The following GALNTL6 variants were observed in gnomAD, a reference collection of about 807,000 sequenced individuals.
The protein encoded by GALNTL6 is polypeptide N-acetylgalactosaminyltransferase like 6.
A neutral mutation model predicts 73.7 loss-of-function variants in GALNTL6; 46 were observed. The ratio of observed to expected loss-of-function variants is 0.62; its 90% CI spans 0.49 to 0.80. The LOEUF (loss-of-function observed/expected upper bound fraction) is 0.80. Ranked by LOEUF, GALNTL6 falls within the 30% of genes least tolerant of loss-of-function variation. GALNTL6 has a pLI of 0.00. For missense variants in GALNTL6, 604 were observed against 755.0 expected (o/e 0.80, Z 2.34); for synonymous variants, 259 against 263.7 (o/e 0.98, Z 0.17).
chr4:171,929,265 T>C (rs1738094267), intron 2 of GALNTL6, among the ~76,000 whole-genome samples: 1 of 152,108 alleles, frequency 6.6e-6, no homozygotes, highest in African/African-American at 2.4e-5. Flanking sequence ...AGAGATGGGA[T>C]CTCTCTGTAT....
At chr4:172,880,981 G>A (rs1745423846) in intron 7 of GALNTL6, among the ~76,000 whole-genome samples, 1 of 152,116 alleles carries the variant, frequency 6.6e-6, no homozygotes, top group Non-Finnish European at 1.5e-5. Flanking sequence ...TATCTATGGT[G>A]GTTCTAGTTT....
chr4:172,397,882 C>A (rs1217146003), intron 5 of GALNTL6, among the ~76,000 whole-genome samples: 3 of 152,016 alleles, frequency 2.0e-5, no homozygotes, highest in African/African-American at 7.2e-5. Flanking sequence ...TGGCCACTAT[C>A]TTTTATTTTT....
At chr4:172,018,204 C>T (rs113635832) in intron 2 of GALNTL6, among the ~76,000 whole-genome samples, 2 of 152,200 alleles carry the variant, frequency 1.3e-5, no homozygotes, top group African/African-American at 4.8e-5. Flanking sequence ...TAATGGGATA[C>T]AAGCTTGCCT....
chr4:172,370,330 C>A (rs983409279), intron 5 of GALNTL6, among the ~76,000 whole-genome samples: 1 of 152,052 alleles, frequency 6.6e-6, no homozygotes, highest in Non-Finnish European at 1.5e-5. Context: ...CGAGTAACAG[C>A]AAGATGGCTG....
At chr4:172,056,108 T>C (rs1025202019) in intron 2 of GALNTL6, among the ~76,000 whole-genome samples, 1 of 152,164 alleles carries the variant, frequency 6.6e-6, no homozygotes, top group Non-Finnish European at 1.5e-5. Context: ...AAAAATCTGC[T>C]ATTAAGAATA....
At chr4:172,125,147 T>C (rs1288364534) in intron 2 of GALNTL6, among the ~76,000 whole-genome samples, 4 of 152,150 alleles carry the variant, frequency 2.6e-5, no homozygotes, top group African/African-American at 9.7e-5. Context: ...ATGTATGACC[T>C]GCAAATCACA....
intron 4 of GALNTL6, among the ~76,000 whole-genome samples, chr4:172,332,189 T>A (rs1470292700): frequency 6.6e-6 from 1 of 152,112 alleles, no homozygotes; most frequent in East Asian, 1.9e-4. Context: ...TTTAAGTAAT[T>A]ATCTCATATT....
chr4:172,582,554 C>A (rs954024420), intron 5 of GALNTL6, among the ~76,000 whole-genome samples: 3 of 152,036 alleles, frequency 2.0e-5, no homozygotes, highest in Non-Finnish European at 4.4e-5. Flanking sequence ...ACTCCATGAC[C>A]CTTTTATAAA....
At chr4:172,948,183 A>G (rs1484507963) in intron 9 of GALNTL6, among the ~76,000 whole-genome samples, 2 of 152,212 alleles carry the variant, frequency 1.3e-5, no homozygotes, top group Non-Finnish European at 2.9e-5. Flanking sequence ...AAAATGTCTA[A>G]TGAGCCAATG....
chr4:172,061,945 C>CTTTT (rs11284710), intron 2 of GALNTL6, among the ~76,000 whole-genome samples: 6 of 114,696 alleles, frequency 5.2e-5, no homozygotes, highest in Admixed American at 2.0e-4. Flanking sequence ...TTTTTATCCA[C>CTTTT]TTTTTTTTTT....
chr4:172,037,846 G>A (rs568559290), intron 2 of GALNTL6, among the ~76,000 whole-genome samples: 10 of 152,262 alleles, frequency 6.6e-5, no homozygotes, highest in African/African-American at 1.2e-4. Flanking sequence ...GACCGGGAGC[G>A]TTGGCTCATG....
intron 2 of GALNTL6, among the ~76,000 whole-genome samples, chr4:172,192,522 A>G (rs1224585888): frequency 1.3e-5 from 2 of 152,042 alleles, no homozygotes; most frequent in East Asian, 1.9e-4. Context: ...GGAGTGACCC[A>G]CAGAGAGCAA....
intron 12 of GALNTL6, among the ~76,000 whole-genome samples, chr4:173,035,366 C>T (rs556727883): frequency 6.3e-5 from 9 of 143,146 alleles, no homozygotes; most frequent in South Asian, 2.1e-4. Context: ...TTAGTACAGA[C>T]GGGATTTCCC....
chr4:172,199,422 A>G (rs1579245093), intron 2 of GALNTL6, among the ~76,000 whole-genome samples: 1 of 152,338 alleles, frequency 6.6e-6, no homozygotes, highest in East Asian at 1.9e-4. Flanking sequence ...GATCATTTTC[A>G]GTCAGATCTA....
chr4:172,442,841 A>G (rs1731880401), intron 5 of GALNTL6, among the ~76,000 whole-genome samples: 1 of 152,074 alleles, frequency 6.6e-6, no homozygotes, highest in African/African-American at 2.4e-5. Context: ...TTTCAAAATA[A>G]CATACGTATT....
chr4:172,938,218 T>A (rs1181257218), intron 9 of GALNTL6, among the ~76,000 whole-genome samples: 1 of 152,164 alleles, frequency 6.6e-6, no homozygotes, highest in Non-Finnish European at 1.5e-5. Context: ...CCTGGTGACA[T>A]CCAGCTCTGC....
At chr4:172,358,133 T>C (rs888422380) in intron 5 of GALNTL6, among the ~76,000 whole-genome samples, 2 of 152,180 alleles carry the variant, frequency 1.3e-5, no homozygotes, top group Admixed American at 6.5e-5. Context: ...AGTAGAAATA[T>C]AGTGAGTGGT....
intron 5 of GALNTL6, among the ~76,000 whole-genome samples, chr4:172,577,636 A>G (rs754853541): frequency 1.3e-5 from 2 of 152,048 alleles, no homozygotes; most frequent in African/African-American, 2.4e-5. Context: ...GGCTGTTTAC[A>G]CAGGCCCCCA....
chr4:172,803,124 T>C (rs939526874), intron 5 of GALNTL6, among the ~76,000 whole-genome samples: 2 of 152,218 alleles, frequency 1.3e-5, no homozygotes, highest in Admixed American at 6.5e-5. Context: ...CATCTCGTTA[T>C]TGGGCAGAAA....
Sources: allele counts gnomAD v4.1 joint callset (sites outside exome capture counted in the v4.1 genomes callset), GRCh38; gene constraint gnomAD v4.1.1; transcripts MANE v1.5; gene names NCBI Gene and HGNC (gene_info 2026-07-23, HGNC 2026-07-21).